TRIM33: variants seen among roughly 807,000 people sequenced by gnomAD.
The protein encoded by TRIM33 is E3 ubiquitin-protein ligase TRIM33.
Under a neutral mutation model 125.4 loss-of-function variants are expected in TRIM33, and 20 were observed. The ratio of observed to expected loss-of-function variants is 0.16; its 90% CI spans 0.11 to 0.23. The LOEUF is 0.23. Among genes scored for constraint, TRIM33 ranks in the 10% least tolerant of loss-of-function variants. The pLI is 1.00. For synonymous variants in TRIM33, 564 were observed against 513.9 expected, an observed-to-expected ratio of 1.10 and a Z score of -1.32; for missense variants, 920 against 1,411.4, an observed-to-expected ratio of 0.65 and a Z score of 5.58.
At chr1:114,498,073 G>A (rs1469773444) in intron 1 of TRIM33, among the ~76,000 whole-genome samples, 1 of 145,268 alleles carries the variant, frequency 6.9e-6, no homozygotes, top group Non-Finnish European at 1.5e-5. Flanking sequence ...GTTGCAATGA[G>A]CTGAGATCGC....
chr1:114,406,404 T>C (rs185259257), intron 14 of TRIM33, among the ~76,000 whole-genome samples: 7 of 152,136 alleles, frequency 4.6e-5, no homozygotes, highest in African/African-American at 1.7e-4. Flanking sequence ...AAAACAAAAA[T>C]CAAAATATTT....
chr1:114,503,043 T>C (rs28749241), intron 1 of TRIM33, among the ~76,000 whole-genome samples: 52,209 of 152,126 alleles, frequency 0.34, 10,991 homozygotes, highest in Non-Finnish European at 0.48. Flanking sequence ...GAAAAGCAGA[T>C]TTTAATACCC....
At position 114,488,862 on chromosome 1, in the gene TRIM33, T is replaced by A. The variant is rs1436628165; in HGVS notation, c.526+21689A>T. On this transcript the variant is annotated intron_variant, in intron 1 of 19. Coordinates refer to ENST00000358465, the MANE Select transcript of TRIM33 (RefSeq NM_015906.4). ...CAGCAACATAGCAAGAACCCATCTC[T>A]ACAAAAAATAAAAAAATTGCTGGGT... 2.0e-5 allele frequency among the ~76,000 whole-genome samples: 3 copies of A among 152,272 alleles called. No homozygotes were observed. The South Asian group carries it at 6.2e-4, about 32-fold the overall frequency.
chr1:114,395,506 T>C lies in TRIM33; in HGVS notation c.*2142A>G, dbSNP rs2101067525. On this transcript the variant is annotated 3_prime_UTR_variant, in exon 20 of 20. Transcript: ENST00000358465. ...GATCCATTTGAAGAGCAATACAAAA[T>C]ATTAGAACTCAAAGGCCTGACAAAA... is the stretch of plus-strand genomic sequence containing the variant. The C allele has an allele frequency of 5.0e-6, 1 of 200,820 alleles. No homozygotes were observed. The highest frequency in any genetic ancestry group is 1.0e-5 in the Non-Finnish European group (1 of 97,216). 12.4% of individuals were successfully genotyped at this position (200,820 alleles called of 1,614,324 possible).
intron 1 of TRIM33, among the ~76,000 whole-genome samples, chr1:114,474,799 G>A (rs1460666630): frequency 1.3e-5 from 2 of 151,644 alleles, no homozygotes; most frequent in Non-Finnish European, 2.9e-5. Context: ...GGCTGAGGCA[G>A]GAGAATTGCT....
At position 114,396,925 on chromosome 1, in the gene TRIM33, C is replaced by T; in HGVS notation, c.*723G>A. 4.7e-6 allele frequency: 1 copy of T among 214,494 alleles called. No homozygotes were observed. Among genetic ancestry groups the T allele is most frequent in the Non-Finnish European group, 9.4e-6 (1 of 106,152 alleles). The allele number at this position is 214,494 out of a possible 1,614,324, so 13.3% of individuals were successfully genotyped here. On this transcript the variant is annotated 3_prime_UTR_variant, in exon 20 of 20. Transcript: ENST00000358465. ...GTGAGGAAGTGTTTTCTGGAAACAACTACTATAACTCTAAATAATCCACTA... is the reference window on the plus strand; with the variant it reads ...GTGAGGAAGTGTTTTCTGGAAACAATTACTATAACTCTAAATAATCCACTA...
intron 9 of TRIM33, 102 bp downstream of exon 9, chr1:114,425,347 T>C (rs901374189): frequency 2.8e-6 from 4 of 1,446,640 alleles, no homozygotes; most frequent in Middle Eastern, 2.5e-4. Flanking sequence ...CTCTGCTCAG[T>C]CTTGCTAGTA....
intron 1 of TRIM33, among the ~76,000 whole-genome samples, chr1:114,471,063 T>C (rs1023473674): frequency 3.3e-5 from 5 of 152,188 alleles, no homozygotes; most frequent in Non-Finnish European, 7.3e-5. Context: ...CCTCTCAAAG[T>C]GTTGGGACTA....
In TRIM33 at chr1:114,401,471, A is replaced by G. The variant is rs750313105; in HGVS notation, c.2893-8T>C. 1 of 1,610,292 alleles carries G rather than the reference A, an allele frequency of 6.2e-7. No individual in the cohort carries two copies. Among genetic ancestry groups the G allele is most frequent in the Non-Finnish European group, 8.5e-7 (1 of 1,177,748 alleles). ...CAGAAGACGTTCACATTTCTGGCCC[A>G]AACAAGGAAAGGAAAGCACATGAAA... On this transcript the variant is annotated splice_polypyrimidine_tract_variant and splice_region_variant and intron_variant, in intron 16 of 19. Coordinates refer to ENST00000358465, the MANE Select transcript of TRIM33 (RefSeq NM_015906.4).
chr1:114,497,014 G>A (rs1243227228), intron 1 of TRIM33, among the ~76,000 whole-genome samples: 1 of 152,178 alleles, frequency 6.6e-6, no homozygotes, highest in Non-Finnish European at 1.5e-5. Context: ...GTACTCTGCT[G>A]TAAAAGCATG....
At chr1:114,487,903 C>CAAAAAAA (rs573681532) in intron 1 of TRIM33, among the ~76,000 whole-genome samples, 4 of 36,636 alleles carry the variant, frequency 1.1e-4, no homozygotes, top group African/African-American at 2.3e-4. Flanking sequence ...GACTCCGTCT[C>CAAAAAAA]AAAAAAAAAA....
chr1:114,445,920 T>C (rs1196630159), intron 4 of TRIM33, among the ~76,000 whole-genome samples: 1 of 152,004 alleles, frequency 6.6e-6, no homozygotes, highest in Admixed American at 6.6e-5. Context: ...TGCAGTGGGG[T>C]GATCTCAGCT....
chr1:114,479,085 G>A (rs1651141829), intron 1 of TRIM33, among the ~76,000 whole-genome samples: 1 of 151,952 alleles, frequency 6.6e-6, no homozygotes, highest in Non-Finnish European at 1.5e-5. Flanking sequence ...ACTTGTAGAT[G>A]GATAAATTAA....
intron 1 of TRIM33, among the ~76,000 whole-genome samples, chr1:114,508,146 T>G (rs1653114682): frequency 6.6e-6 from 1 of 152,060 alleles, no homozygotes; most frequent in Non-Finnish European, 1.5e-5. Flanking sequence ...AAAAACATGG[T>G]GGATTCCAGA....
intron 17 of TRIM33, among the ~76,000 whole-genome samples, chr1:114,399,938 T>C (rs1651769892): frequency 6.8e-6 from 1 of 147,386 alleles, no homozygotes; most frequent in Admixed American, 6.8e-5. Context: ...GGAGTTTTTC[T>C]TTTTTTTTTA....
intron 15 of TRIM33, 118 bp from the exon 16 acceptor site, chr1:114,403,001 GT>G: frequency 3.8e-6 from 4 of 1,051,396 alleles, no homozygotes; most frequent in Non-Finnish European, 5.2e-6. Context: ...AAAAAGGGAG[GT>G]TTTATAGTTG....
chr1:114,427,635 G>A, intron 7 of TRIM33, 113 bp downstream of exon 7: 2 of 1,062,476 alleles, frequency 1.9e-6, no homozygotes, highest in Non-Finnish European at 2.7e-6. Context: ...ATCTTGATGT[G>A]GTGGTGGTTA....
intron 11 of TRIM33, among the ~76,000 whole-genome samples, chr1:114,419,623 C>CA (rs1033680340): frequency 6.6e-6 from 1 of 151,462 alleles, no homozygotes; most frequent in South Asian, 2.1e-4. Context: ...TTCCCTCAGC[C>CA]AAAAAAGACT....
Position 114,510,658 on chromosome 1 carries a change from G to T in TRIM33, c.419C>A (p.Pro140His). 1 of 1,559,606 alleles carries T rather than the reference G, an allele frequency of 6.4e-7. No homozygotes were observed. Residue 140 changes from proline to histidine, a missense_variant, in exon 1 of 20, where the codon CCC becomes CAC. Transcript: ENST00000358465. ...GGAGTGAAGACAGGGCAGCAGCTTG[G>T]GCTCCGCCTCACGCCGGCTCTGCAA... is the stretch of plus-strand genomic sequence containing the variant. Reference protein sequence around the residue: ...QSLQSRREAEPKLLPCLHSFC... With the variant: ...QSLQSRREAEHKLLPCLHSFC...
Sources: gnomAD v4.1 joint callset for allele counts (sites outside exome capture counted in the v4.1 genomes callset) on GRCh38, gnomAD v4.1.1 for gene constraint, MANE v1.5 for transcripts, NCBI Gene and HGNC (gene_info 2026-07-23, HGNC 2026-07-21) for gene names.